Variants in UBE2Q1 observed in about 807,000 individuals in gnomAD.
UBE2Q1 encodes the protein ubiquitin conjugating enzyme E2 Q1.
Under a neutral mutation model 60.1 loss-of-function variants are expected in UBE2Q1, and 6 were observed. The observed-to-expected ratio is 0.10, with a 90% CI of 0.05 to 0.20. The LOEUF is 0.20. Ranked by LOEUF, UBE2Q1 falls within the 10% of genes least tolerant of loss-of-function variation. UBE2Q1 has a pLI of 1.00. For missense variants in UBE2Q1, 262 were observed against 525.8 expected, an observed-to-expected ratio of 0.50 and a Z score of 4.91; for synonymous variants, 226 against 208.3, an observed-to-expected ratio of 1.09 and a Z score of -0.73.
At chr1:154,552,994 C>T in intron 5 of UBE2Q1, 38 bp downstream of exon 5, 1 of 1,610,870 alleles carries the variant, frequency 6.2e-7, no homozygotes, top group Non-Finnish European at 8.5e-7. Flanking sequence ...CCATTTCCCA[C>T]CAACCCCTTC....
intron 1 of UBE2Q1, among the ~76,000 whole-genome samples, chr1:154,557,443 T>C (rs959702233): frequency 6.6e-6 from 1 of 152,216 alleles, no homozygotes; most frequent in Non-Finnish European, 1.5e-5. Flanking sequence ...GTAAGGTGTA[T>C]GCCTAGGATG....
intron 10 of UBE2Q1, 33 bp downstream of exon 10, chr1:154,551,738 G>A (rs1260195264): frequency 6.2e-7 from 1 of 1,614,086 alleles, no homozygotes; most frequent in Admixed American, 1.7e-5. Context: ...CCCCGCCCAG[G>A]CCGGCCTGGC....
chr1:154,552,681 C>T, intron 6 of UBE2Q1, 55 bp downstream of exon 6: 2 of 1,588,216 alleles, frequency 1.3e-6, no homozygotes, highest in African/African-American at 1.3e-5. Context: ...CCCTTGCCAC[C>T]ATACCCTTCT....
chr1:154,550,924 G>A lies in UBE2Q1; in HGVS notation c.1237+14C>T. On this transcript the variant is annotated intron_variant, in intron 12 of 12. Coordinates refer to ENST00000292211, the MANE Select transcript of UBE2Q1 (RefSeq NM_017582.7). ...CAAGTGTCCGAATCTCCTGAGTCCT[G>A]GCTCCAGCCTCACCGTTTTTTTCGT... The A allele has an allele frequency of 1.2e-6, 2 of 1,614,084 alleles. No individual in the cohort carries two copies. The highest frequency in any genetic ancestry group is 1.7e-6 in the Non-Finnish European group (2 of 1,179,984).
chr1:154,550,625 A>G, intron 12 of UBE2Q1, 156 bp from the exon 13 acceptor site: 1 of 985,354 alleles, frequency 1.0e-6, no homozygotes, highest in Non-Finnish European at 1.2e-6. Context: ...GAGAGCCTGC[A>G]TACCTGGAGA....
At chr1:154,556,054 G>T (rs943277571) in intron 1 of UBE2Q1, 90 bp from the exon 2 acceptor site, 20 of 1,145,854 alleles carry the variant, frequency 1.7e-5, no homozygotes, top group Non-Finnish European at 2.2e-5. Flanking sequence ...AAGACTTCTA[G>T]CCCCTTTGCT....
At chr1:154,554,134 A>G (rs1695842878) in intron 4 of UBE2Q1, among the ~76,000 whole-genome samples, 1 of 152,148 alleles carries the variant, frequency 6.6e-6, no homozygotes, top group African/African-American at 2.4e-5. Context: ...TCATTATTCT[A>G]TCATTATCCA....
rs1695772598 is a variant in UBE2Q1 at position 154,550,299 on chromosome 1, T to C, written c.*139A>G. 1 of 1,129,650 alleles carries C rather than the reference T, an allele frequency of 8.9e-7. No individual in the cohort carries two copies. Among genetic ancestry groups the C allele is most frequent in the Non-Finnish European group, 1.3e-6 (1 of 770,756 alleles). The allele number at this position is 1,129,650 out of a possible 1,614,324, so 70.0% of individuals were successfully genotyped here. A position where few individuals can be genotyped will look rare whatever the true frequency, so the allele number is the denominator to read the frequency against. ...CCTTAGCGTTTAGAATAGCCATCAT[T>C]GTCCTGCAATAGGCAGAGCTATCAC... On this transcript the variant is annotated 3_prime_UTR_variant, in exon 13 of 13. Coordinates refer to ENST00000292211, the MANE Select transcript of UBE2Q1 (RefSeq NM_017582.7).
chr1:154,552,058 G>A (rs534292917), intron 8 of UBE2Q1, 35 bp downstream of exon 8: 1 of 1,613,952 alleles, frequency 6.2e-7, no homozygotes, highest in East Asian at 2.2e-5. Flanking sequence ...GGGCAGCCTA[G>A]GCCAGAGGGA....
Position 154,552,392 on chromosome 1 carries a change from G to T in UBE2Q1, c.875+12C>A. The T allele has an allele frequency of 1.2e-6, 2 of 1,614,090 alleles. No homozygotes were observed. The highest frequency in any genetic ancestry group is 1.7e-6 in the Non-Finnish European group (2 of 1,179,952). On this transcript the variant is annotated intron_variant, in intron 7 of 12. Transcript: ENST00000292211. ...CCTCAACTTCCTCTCCAATCCCAGA[G>T]TCCCCACTCACTTGAGGAGTTTGAC...
At chr1:154,555,814 G>A (rs749820766) in intron 2 of UBE2Q1, 46 bp downstream of exon 2, 3 of 1,550,902 alleles carry the variant, frequency 1.9e-6, no homozygotes, top group Admixed American at 1.7e-5. Flanking sequence ...TTTGTGGCAT[G>A]GGCCTCATAA....
rs540767913 is a variant in UBE2Q1, at chr1:154,552,875, G to A, written c.730-55C>T. 5.2e-5 allele frequency: 83 copies of A among 1,604,890 alleles called. No individual in the cohort carries two copies. The East Asian group carries it at 1.4e-3, about 27-fold the overall frequency. On this transcript the variant is annotated intron_variant, in intron 5 of 12. Coordinates refer to ENST00000292211, the MANE Select transcript of UBE2Q1 (RefSeq NM_017582.7). ...TTGGTCGTGTGGTTTATAAACACAC[G>A]TTAGACCTTAGGGGCAGTCTGGCAG...
At chr1:154,553,849 T>C (rs1695837857) in intron 4 of UBE2Q1, among the ~76,000 whole-genome samples, 1 of 152,198 alleles carries the variant, frequency 6.6e-6, no homozygotes, top group Non-Finnish European at 1.5e-5. Flanking sequence ...CTCAGCCAGA[T>C]GTTGGGGGTG....
At chr1:154,551,105 C>G in intron 11 of UBE2Q1, 101 bp from the exon 12 acceptor site, 1 of 1,394,434 alleles carries the variant, frequency 7.2e-7, no homozygotes, top group Non-Finnish European at 1.0e-6. Flanking sequence ...GTCCCAGCTC[C>G]CAGCACTGTG....
At chr1:154,554,262 C>A (rs1695844657) in intron 4 of UBE2Q1, among the ~76,000 whole-genome samples, 3 of 152,140 alleles carry the variant, frequency 2.0e-5, no homozygotes, top group African/African-American at 7.2e-5. Context: ...AATTCCTAAC[C>A]ATGATTTTAT....
At chr1:154,555,327 C>G (rs1695864331) in intron 3 of UBE2Q1, 101 bp downstream of exon 3, 1 of 982,180 alleles carries the variant, frequency 1.0e-6, no homozygotes, top group Non-Finnish European at 1.6e-6. Flanking sequence ...TTTTGGGAGC[C>G]GGTGGGGATG....
intron 6 of UBE2Q1, 82 bp downstream of exon 6, chr1:154,552,654 C>T: frequency 6.5e-7 from 1 of 1,536,582 alleles, no homozygotes; most frequent in Non-Finnish European, 8.9e-7. Context: ...ACTCCTGGAC[C>T]CCAGAACCTC....
chr1:154,551,842 C>T (rs763559222), intron 9 of UBE2Q1, 23 bp from the exon 10 acceptor site: 2 of 1,614,234 alleles, frequency 1.2e-6, no homozygotes, highest in Non-Finnish European at 1.7e-6. Flanking sequence ...GGTTAGTCAG[C>T]TGTGCCTGAC....
chr1:154,555,658 C>A, intron 2 of UBE2Q1, 126 bp from the exon 3 acceptor site: 3 of 1,000,792 alleles, frequency 3.0e-6, no homozygotes, highest in South Asian at 1.4e-5. Context: ...GGCCACGTGG[C>A]TGTGGGAATG....
Sources: allele counts gnomAD v4.1 joint callset (sites outside exome capture counted in the v4.1 genomes callset), GRCh38; gene constraint gnomAD v4.1.1; transcripts MANE v1.5; gene names NCBI Gene and HGNC (gene_info 2026-07-23, HGNC 2026-07-21).